The following SOX6 variants were observed in gnomAD, a reference collection of about 807,000 sequenced individuals.
SOX6 encodes the protein SRY-box transcription factor 6.
A neutral mutation model predicts 97.8 loss-of-function variants in SOX6; 11 were observed. The observed-to-expected ratio is 0.11, with a 90% CI of 0.07 to 0.19. The LOEUF is 0.19. Ranked by LOEUF, SOX6 falls within the 10% of genes least tolerant of loss-of-function variation. The probability of loss-of-function intolerance (pLI) is 1.00; values close to 1 mark genes in which losing one functional copy is unlikely to be tolerated. For synonymous variants in SOX6, 360 were observed against 371.4 expected (o/e 0.97, Z 0.35); for missense variants, 810 against 1,039.5 (o/e 0.78, Z 3.04).
intron 6 of SOX6, among the ~76,000 whole-genome samples, chr11:16,136,604 TA>T (rs1234225566): frequency 6.6e-6 from 1 of 152,058 alleles, no homozygotes; most frequent in Non-Finnish European, 1.5e-5. Flanking sequence ...ACTAATTTTT[TA>T]AAAAATTTAT....
chr11:16,021,324 G>T (rs1405691561), intron 12 of SOX6, among the ~76,000 whole-genome samples: 1 of 152,148 alleles, frequency 6.6e-6, no homozygotes, highest in Non-Finnish European at 1.5e-5. Context: ...TTAATTCCTT[G>T]TTCTAGACGT....
chr11:16,033,603 G>T (rs1855441822), intron 12 of SOX6, among the ~76,000 whole-genome samples: 1 of 152,180 alleles, frequency 6.6e-6, no homozygotes, highest in Non-Finnish European at 1.5e-5. Context: ...AGGCGCAGTG[G>T]CTCACACCTG....
At chr11:16,604,225 G>A (rs1848305642) in intron 4 of SOX6, among the ~76,000 whole-genome samples, 1 of 152,216 alleles carries the variant, frequency 6.6e-6, no homozygotes, top group African/African-American at 2.4e-5. Flanking sequence ...ACCAAGGTTG[G>A]GGGACAGGCA....
At chr11:16,022,901 C>A (rs1470903961) in intron 12 of SOX6, among the ~76,000 whole-genome samples, 1 of 152,154 alleles carries the variant, frequency 6.6e-6, no homozygotes, top group Non-Finnish European at 1.5e-5. Flanking sequence ...CTCCTGCTCC[C>A]TCATCAGCTT....
At chr11:16,354,798 C>T (rs1256932599) in intron 1 of SOX6, among the ~76,000 whole-genome samples, 1 of 152,042 alleles carries the variant, frequency 6.6e-6, no homozygotes, top group Admixed American at 6.6e-5. Flanking sequence ...GTCTGAGCTA[C>T]CCTATCCTAT....
intron 13 of SOX6, among the ~76,000 whole-genome samples, chr11:16,012,300 C>G (rs1048356588): frequency 6.6e-6 from 1 of 152,028 alleles, no homozygotes; most frequent in Non-Finnish European, 1.5e-5. Flanking sequence ...CAGCCTTGAA[C>G]AGATGCCAGG....
chr11:16,100,573 C>G (rs956410083), intron 7 of SOX6, among the ~76,000 whole-genome samples: 19 of 151,550 alleles, frequency 1.3e-4, no homozygotes, highest in African/African-American at 4.6e-4. Context: ...CAGCAAGAGT[C>G]CCTAAATGAG....
chr11:16,203,162 A>G (rs1484159739), intron 4 of SOX6, among the ~76,000 whole-genome samples: 1 of 152,142 alleles, frequency 6.6e-6, no homozygotes, highest in Admixed American at 6.5e-5. Flanking sequence ...AATCACTACA[A>G]CCCAATGTAA....
At chr11:16,132,960 T>C (rs1849858740) in intron 6 of SOX6, among the ~76,000 whole-genome samples, 1 of 152,162 alleles carries the variant, frequency 6.6e-6, no homozygotes, top group South Asian at 2.1e-4. Flanking sequence ...GTAAAAAGTA[T>C]ATTATTCATT....
chr11:16,601,802 A>G (rs1848273650), intron 4 of SOX6, among the ~76,000 whole-genome samples: 1 of 152,114 alleles, frequency 6.6e-6, no homozygotes, highest in South Asian at 2.1e-4. Context: ...ATAGAAACAG[A>G]CATAAAATCT....
At chr11:16,108,269 T>A (rs1849145287) in intron 7 of SOX6, among the ~76,000 whole-genome samples, 1 of 152,060 alleles carries the variant, frequency 6.6e-6, no homozygotes, top group African/African-American at 2.4e-5. Context: ...CAGGCAGACA[T>A]CCTGTTCCTA....
At chr11:16,482,930 CTAA>C (rs1420700806) in intron 4 of SOX6, among the ~76,000 whole-genome samples, 1 of 152,172 alleles carries the variant, frequency 6.6e-6, no homozygotes, top group African/African-American at 2.4e-5. Context: ...TCAATGACTA[CTAA>C]TATCATTTGG....
intron 4 of SOX6, among the ~76,000 whole-genome samples, chr11:16,213,764 T>C (rs1048706349): frequency 6.6e-6 from 1 of 152,166 alleles, no homozygotes; most frequent in Non-Finnish European, 1.5e-5. Flanking sequence ...TGCAACAATA[T>C]ACAAATAAGT....
chr11:16,120,563 T>TAC (rs1849464320), intron 6 of SOX6, among the ~76,000 whole-genome samples: 5 of 139,432 alleles, frequency 3.6e-5, no homozygotes, highest in African/African-American at 1.4e-4. Context: ...TAACTTCACA[T>TAC]ATATATATAT....
At chr11:16,192,788 T>C (rs1486232837) in intron 4 of SOX6, among the ~76,000 whole-genome samples, 1 of 152,214 alleles carries the variant, frequency 6.6e-6, no homozygotes, top group Non-Finnish European at 1.5e-5. Flanking sequence ...AAAAGCCTTT[T>C]TTTACATCAG....
chr11:16,525,297 G>C (rs1056521345), intron 4 of SOX6, among the ~76,000 whole-genome samples: 1 of 151,226 alleles, frequency 6.6e-6, no homozygotes, highest in Non-Finnish European at 1.5e-5. Flanking sequence ...TAGATCAATG[G>C]AACAGAACAG....
intron 3 of SOX6, among the ~76,000 whole-genome samples, chr11:16,682,946 A>G (rs543517303): frequency 7.9e-5 from 12 of 152,350 alleles, no homozygotes; most frequent in Middle Eastern, 3.4e-3. Context: ...CACCAATAAC[A>G]GACAGAGAGC....
At chr11:16,658,691 G>A (rs1455299295) in intron 3 of SOX6, among the ~76,000 whole-genome samples, 2 of 149,100 alleles carry the variant, frequency 1.3e-5, no homozygotes, top group African/African-American at 5.0e-5. Context: ...CTGGGCAACA[G>A]AGAGAGACTC....
At chr11:16,187,478 T>C (rs909841258) in intron 4 of SOX6, among the ~76,000 whole-genome samples, 1 of 152,118 alleles carries the variant, frequency 6.6e-6, no homozygotes, top group Non-Finnish European at 1.5e-5. Flanking sequence ...GTCAATCTCT[T>C]GGCCATAGAG....
Sources: allele counts gnomAD v4.1 joint callset (sites outside exome capture counted in the v4.1 genomes callset), GRCh38; gene constraint gnomAD v4.1.1; transcripts MANE v1.5; gene names NCBI Gene and HGNC (gene_info 2026-07-23, HGNC 2026-07-21).